CCNK: variants seen among roughly 807,000 people sequenced by gnomAD.
CCNK encodes the protein cyclin-K.
In CCNK, 9 loss-of-function variants were observed where a neutral mutation model predicts 65.0. The observed-to-expected ratio is 0.14, with a 90% CI of 0.08 to 0.24. The LOEUF is 0.24. Ranked by LOEUF, CCNK falls within the 10% of genes least tolerant of loss-of-function variation. The pLI is 1.00. For synonymous variants in CCNK, 279 were observed against 270.8 expected, an observed-to-expected ratio of 1.03 and a Z score of -0.30; for missense variants, 474 against 720.0, an observed-to-expected ratio of 0.66 and a Z score of 3.91.
intron 4 of CCNK, among the ~76,000 whole-genome samples, chr14:99,497,394 A>G (rs1469091198): frequency 6.6e-6 from 1 of 152,210 alleles, no homozygotes; most frequent in Non-Finnish European, 1.5e-5. Context: ...GCATTTAGAT[A>G]GTAGTATCCA....
intron 4 of CCNK, among the ~76,000 whole-genome samples, chr14:99,496,854 A>G (rs1268075428): frequency 6.6e-6 from 1 of 151,570 alleles, no homozygotes; most frequent in Non-Finnish European, 1.5e-5. Flanking sequence ...CAGAGGTTGC[A>G]GTGAGCCAAG....
chr14:99,494,582 G>C (rs535559051), intron 3 of CCNK: 5 of 152,312 alleles, frequency 3.3e-5, no homozygotes, highest in Admixed American at 2.0e-4. Flanking sequence ...GTGTGATCAG[G>C]ATTATGTGAG....
At chr14:99,484,243 G>A (rs563027980) in intron 1 of CCNK, among the ~76,000 whole-genome samples, 3 of 152,320 alleles carry the variant, frequency 2.0e-5, no homozygotes, top group Admixed American at 6.5e-5. Context: ...AGGTTGTTTC[G>A]TGTCTCTGGC....
rs1412522062 is a variant in CCNK, at chr14:99,510,526, C to T, written c.1487C>T (p.Pro496Leu). ...CCTCCTCCCCCAGCCTCCTTCCCCC[C>T]ACCTGCCATCCCACCCCCTACTCCT... Reference protein sequence around the residue: ...PVPPPPASFPPPAIPPPTPGY... With the variant: ...PVPPPPASFPLPAIPPPTPGY... The change falls in exon 11 of 11, where the codon CCA becomes CTA. Residue 496 changes from proline (P) to leucine (L), a missense_variant. Pro to Leu is a moderately conservative substitution (Grantham distance 98). Around this residue, in one of 6 missense-constraint regions of CCNK, gnomAD observed 38 missense variants for 19.2 expected, o/e 1.98. Coordinates refer to ENST00000389879, the MANE Select transcript of CCNK (RefSeq NM_001099402.2). 3 of 553,064 alleles carry T rather than the reference C, an allele frequency of 5.4e-6. No homozygotes were observed. The highest frequency in any genetic ancestry group is 3.0e-5 in the African/African-American group (1 of 33,160). 34.3% of individuals were successfully genotyped at this position (553,064 alleles called of 1,614,324 possible).
intron 3 of CCNK, among the ~76,000 whole-genome samples, 178 bp downstream of exon 3, chr14:99,493,773 T>C (rs1487859601): frequency 1.3e-5 from 2 of 152,190 alleles, no homozygotes; most frequent in Non-Finnish European, 2.9e-5. Flanking sequence ...ATTAGCCATG[T>C]TCAAATCTTT....
At position 99,511,033 on chromosome 14, in the gene CCNK, A is replaced by G. The variant is rs1306731743; in HGVS notation, c.*251A>G. The G allele has an allele frequency of 8.8e-6, 3 of 342,038 alleles. No individual in the cohort carries two copies. The highest frequency in any genetic ancestry group is 4.4e-5 in the East Asian group (1 of 22,642). The allele number at this position is 342,038 out of a possible 1,614,324, so 21.2% of individuals were successfully genotyped here. ...GTACACTTGGTTCAGCTAATGTCTG[A>G]GAGTCCTGCACTGGGTTACTTTATA... On this transcript the variant is annotated 3_prime_UTR_variant, in exon 11 of 11. Transcript: ENST00000389879.
Position 99,502,466 on chromosome 14 carries a change from C to T in CCNK, c.745+90C>T, listed in dbSNP as rs1896857047. 5 of 1,502,640 alleles carry T rather than the reference C, an allele frequency of 3.3e-6. No homozygotes were observed. The Admixed American group carries it at 7.0e-5, about 21-fold the overall frequency. 93.1% of individuals were successfully genotyped at this position (1,502,640 alleles called of 1,614,324 possible). ...CCTGAGTCCCAAGAATGGATTTTCC[C>T]AGATAGACATATGTGAGCAATATTT... On this transcript the variant is annotated intron_variant, in intron 7 of 10. Coordinates refer to ENST00000389879, the MANE Select transcript of CCNK (RefSeq NM_001099402.2).
chr14:99,510,200 G>T lies in CCNK; in HGVS notation c.1161G>T (p.Pro387=). The T allele has an allele frequency of 6.3e-7, 1 of 1,596,854 alleles. No individual in the cohort carries two copies. Residue 387 remains proline, a synonymous_variant, in exon 11 of 11, where the codon CCG becomes CCT. Coordinates refer to ENST00000389879, the MANE Select transcript of CCNK (RefSeq NM_001099402.2). ...PLAAALGEAE[P]PGPVDATDLP... ...CTGCTGCCTTAGGTGAGGCTGAGCCGCCGGGCCCTGTGGATGCCACTGACC... is the reference window on the plus strand; with the variant it reads ...CTGCTGCCTTAGGTGAGGCTGAGCCTCCGGGCCCTGTGGATGCCACTGACC...
chr14:99,507,055 TA>T lies in CCNK; in HGVS notation c.1046-19del. 1 of 1,502,684 alleles carries T rather than the reference TA, an allele frequency of 6.7e-7. No homozygotes were observed. The highest frequency in any genetic ancestry group is 9.3e-7 in the Non-Finnish European group (1 of 1,078,466). 93.1% of individuals were successfully genotyped at this position (1,502,684 alleles called of 1,614,324 possible). ...ATGTGAAGAAGTATGAGTGGTTTTC[TA>T]ATCTGCTTTTTCTTTGTAGAACCAC... On this transcript the variant is annotated intron_variant, in intron 9 of 10. Transcript: ENST00000389879.
chr14:99,499,507 C>CAGTG (rs1896774071), intron 4 of CCNK, among the ~76,000 whole-genome samples: 1 of 152,194 alleles, frequency 6.6e-6, no homozygotes, highest in Non-Finnish European at 1.5e-5. Flanking sequence ...AAATGAAAGC[C>CAGTG]AGTGACCTGT....
chr14:99,494,550 C>G (rs1156282783), intron 3 of CCNK: 1 of 151,920 alleles, frequency 6.6e-6, no homozygotes, highest in Non-Finnish European at 1.5e-5. Flanking sequence ...TTTTGTACCC[C>G]CGGCAGAGTG....
At chr14:99,491,615 T>G (rs985304593) in intron 1 of CCNK, among the ~76,000 whole-genome samples, 3 of 152,302 alleles carry the variant, frequency 2.0e-5, no homozygotes, top group South Asian at 2.1e-4. Context: ...GGAGGGAAGA[T>G]CAGATTTCCT....
intron 7 of CCNK, 137 bp downstream of exon 7, chr14:99,502,513 T>C: frequency 1.5e-6 from 2 of 1,368,352 alleles, no homozygotes; most frequent in Non-Finnish European, 2.0e-6. Flanking sequence ...TTAATTAAAT[T>C]ATCTAATAGT....
In CCNK at chr14:99,510,392, G is replaced by T. The variant is rs1247158712; in HGVS notation, c.1353G>T (p.Met451Ile). Residue 451 changes from methionine (M) to isoleucine (I), a missense_variant, in exon 11 of 11, where the codon ATG (methionine) becomes ATT (isoleucine). By Grantham distance (10) the Met-to-Ile change is conservative (BLOSUM62 1). Transcript: ENST00000389879. ...GEGYQSLQSM[M>I]KTEGPSYGAL... is the part of the protein sequence containing the mutation. ...GCTACCAGAGCCTGCAGTCCATGATGAAGACCGAGGGACCCTCCTACGGTG... is the reference window on the plus strand; with the variant it reads ...GCTACCAGAGCCTGCAGTCCATGATTAAGACCGAGGGACCCTCCTACGGTG... The T allele has an allele frequency of 6.4e-7, 1 of 1,565,096 alleles. No homozygotes were observed. Among genetic ancestry groups the T allele is most frequent in the East Asian group, 2.4e-5 (1 of 42,352 alleles).
At position 99,485,842 on chromosome 14, in the gene CCNK, ACT is replaced by A. The variant is rs531840556; in HGVS notation, c.-53+4366_-53+4367del. Among the ~76,000 whole-genome samples the A allele has an allele frequency of 4.0e-3, 614 of 151,906 alleles. 1 individual carries two copies. The highest frequency in any genetic ancestry group is 0.014 in the African/African-American group (581 of 41,384). ...ATTCCAGCCTGGATGACAGAGGGAG[ACT>A]CTGTCTCAAAAAATTAAAAAATGAA... On this transcript the variant is annotated intron_variant, in intron 1 of 10. Coordinates refer to ENST00000389879, the MANE Select transcript of CCNK (RefSeq NM_001099402.2).
At chr14:99,485,512 T>C (rs747956409) in intron 1 of CCNK, among the ~76,000 whole-genome samples, 2 of 152,228 alleles carry the variant, frequency 1.3e-5, no homozygotes, top group Non-Finnish European at 2.9e-5. Flanking sequence ...CTTGCTGTGC[T>C]TTTTATTATC....
chr14:99,502,134 G>C, intron 6 of CCNK, 73 bp from the exon 7 acceptor site: 3 of 1,429,514 alleles, frequency 2.1e-6, no homozygotes, highest in Non-Finnish European at 2.8e-6. Context: ...GTTAGTTATG[G>C]CATCTCCATG....
At chr14:99,500,730 G>A in intron 4 of CCNK, 36 bp from the exon 5 acceptor site, 3 of 1,319,436 alleles carry the variant, frequency 2.3e-6, no homozygotes, top group Non-Finnish European at 3.2e-6. Flanking sequence ...ACCTGCAATT[G>A]TAATTACTGT....
At chr14:99,502,532 T>C in intron 7 of CCNK, 156 bp downstream of exon 7, 1 of 1,316,644 alleles carries the variant, frequency 7.6e-7, no homozygotes, top group South Asian at 1.5e-5. Flanking sequence ...GTTTCCACTT[T>C]GTCCAAACAC....
Sources: allele counts gnomAD v4.1 joint callset (sites outside exome capture counted in the v4.1 genomes callset), GRCh38; gene constraint gnomAD v4.1.1; regional missense constraint gnomAD v4.1.1; transcripts MANE v1.5; gene names NCBI Gene and HGNC (gene_info 2026-07-23, HGNC 2026-07-21).